PHB1: variants seen among roughly 807,000 people sequenced by gnomAD.
The protein encoded by PHB1 is prohibitin 1, also known as epididymis luminal protein 215.
the PHB1 span, chr17:49,414,628 A>C: frequency 1.3e-5 from 2 of 152,336 alleles, no homozygotes; most frequent in East Asian, 3.9e-4. Context: ...CATTTGTAAT[A>C]GCTTCTGGAT....
chr17:49,405,347 G>C, the PHB1 span: 2 of 653,466 alleles, frequency 3.1e-6, no homozygotes, highest in Non-Finnish European at 2.7e-6. Flanking sequence ...GGCTAGCGGG[G>C]GAAGCGGGGG....
chr17:49,406,710 G>A, the PHB1 span: 7 of 1,306,216 alleles, frequency 5.4e-6, no homozygotes, highest in African/African-American at 7.3e-5. Context: ...GAAGCTGAGT[G>A]CCGGAGAAAG....
At chr17:49,406,665 C>G in the PHB1 span, 2 of 859,706 alleles carry the variant, frequency 2.3e-6, no homozygotes, top group East Asian at 2.4e-5. Context: ...GAAGGGATGA[C>G]AGATGATGAA....
At chr17:49,405,190 T>C in the PHB1 span, 178 of 1,613,956 alleles carry the variant, frequency 1.1e-4, 2 homozygotes, top group East Asian at 4.0e-3. Flanking sequence ...TGGCCGCCTT[T>C]TTCTGTTGCT....
chr17:49,412,950 GGCTGGGAA>G, the PHB1 span: 1 of 480,806 alleles, frequency 2.1e-6, no homozygotes, highest in Non-Finnish European at 3.8e-6. Context: ...CTAGGAAGTG[GGCTGGGAA>G]GCTCTTTTTG....
chr17:49,406,203 T>C, the PHB1 span, among the ~76,000 whole-genome samples: 1 of 152,330 alleles, frequency 6.6e-6, no homozygotes, highest in East Asian at 1.9e-4. Flanking sequence ...CCCATTTTAT[T>C]TCTTGCTGTC....
the PHB1 span, chr17:49,412,056 C>T: frequency 2.0e-6 from 1 of 502,006 alleles, no homozygotes; most frequent in Non-Finnish European, 3.5e-6. Context: ...GGTAATAGGA[C>T]CTGTTCCTTA....
chr17:49,411,587 T>C, the PHB1 span: 1 of 1,145,446 alleles, frequency 8.7e-7, no homozygotes, highest in Non-Finnish European at 1.3e-6. Flanking sequence ...CTCTTTTGGA[T>C]CCTGGTATCC....
At chr17:49,406,907 C>A in the PHB1 span, 2 of 1,315,694 alleles carry the variant, frequency 1.5e-6, no homozygotes, top group African/African-American at 2.9e-5. Context: ...TTCGACAGCA[C>A]TGCTGGGAGG....
At chr17:49,405,295 C>T in the PHB1 span, 3 of 1,106,906 alleles carry the variant, frequency 2.7e-6, no homozygotes, top group Non-Finnish European at 4.0e-6. Flanking sequence ...AGCCACCTTC[C>T]CAGGCTCCTG....
the PHB1 span, chr17:49,412,925 A>C: frequency 2.4e-6 from 1 of 423,236 alleles, no homozygotes; most frequent in Non-Finnish European, 4.3e-6. Flanking sequence ...GACAGAAGCC[A>C]CTGGACACAT....
chr17:49,409,624 C>T, the PHB1 span: 1 of 630,040 alleles, frequency 1.6e-6, no homozygotes, highest in South Asian at 2.0e-5. Context: ...TCACTACAAC[C>T]TCTGCCTCCC....
chr17:49,405,207 A>T, the PHB1 span: 2 of 1,613,070 alleles, frequency 1.2e-6, no homozygotes. Flanking sequence ...TGCTCAGCCT[A>T]AAAGAATGGA....
the PHB1 span, chr17:49,407,519 T>C: frequency 3.9e-5 from 6 of 153,054 alleles, no homozygotes; most frequent in African/African-American, 1.2e-4. Context: ...TGATGATCCA[T>C]AGACCTTCCC....
the PHB1 span, chr17:49,404,731 A>G: frequency 2.0e-6 from 1 of 509,150 alleles, no homozygotes; most frequent in South Asian, 2.1e-5. Flanking sequence ...CCGAATTGGG[A>G]CCTAAAGCTG....
the PHB1 span, chr17:49,413,085 G>A: frequency 1.7e-5 from 15 of 899,400 alleles, no homozygotes; most frequent in Middle Eastern, 3.2e-4. Flanking sequence ...ATTCACTGAC[G>A]GCAGCTACCA....
At chr17:49,411,199 CT>C in the PHB1 span, among the ~76,000 whole-genome samples, 43,082 of 117,282 alleles carry the variant, frequency 0.37, 5,710 homozygotes, top group African/African-American at 0.48. Flanking sequence ...TAGAAGCAGG[CT>C]TTTTTTTTTT....
the PHB1 span, among the ~76,000 whole-genome samples, chr17:49,406,422 T>C: frequency 6.6e-6 from 1 of 152,252 alleles, no homozygotes; most frequent in African/African-American, 2.4e-5. Flanking sequence ...TTTTTTGCTG[T>C]CAGCTTTCAC....
chr17:49,410,806 A>G, the PHB1 span, among the ~76,000 whole-genome samples: 1 of 152,244 alleles, frequency 6.6e-6, no homozygotes, highest in Non-Finnish European at 1.5e-5. Flanking sequence ...ATGTTGGGGA[A>G]AATTGAAGGA....
Sources: gnomAD v4.1 joint callset for allele counts (sites outside exome capture counted in the v4.1 genomes callset) on GRCh38, gnomAD v4.1.1 for gene constraint, MANE v1.5 for transcripts, NCBI Gene and HGNC (gene_info 2026-07-23, HGNC 2026-07-21) for gene names.